Variants in SORCS2 observed in about 807,000 individuals in gnomAD.
The protein encoded by SORCS2 is VPS10 domain-containing receptor SorCS2.
Under a neutral mutation model 141.6 loss-of-function variants are expected in SORCS2, and 100 were observed. That is an observed-to-expected ratio of 0.71 (90% CI 0.60 to 0.83). The LOEUF is 0.83. SORCS2 is among the 40% of genes least tolerant of loss of function. SORCS2 has a pLI of 0.00. For synonymous variants in SORCS2, 789 were observed against 676.9 expected, an observed-to-expected ratio of 1.17 and a Z score of -2.57; for missense variants, 1,646 against 1,560.2, an observed-to-expected ratio of 1.05 and a Z score of -0.93.
At position 7,723,853 on chromosome 4, in the gene SORCS2, G is replaced by A. The variant is rs377586569; in HGVS notation, c.2581G>A (p.Asp861Asn). The change falls in exon 19 of 27, where the codon GAT (aspartate) becomes AAT (asparagine). Residue 861 changes from aspartate to asparagine, a missense_variant. Coordinates refer to ENST00000507866, the MANE Select transcript of SORCS2 (RefSeq NM_020777.3). ...CAGGGCAGAGAACACGGCAGGCCAC[G>A]ATGAGGCGGTGCTCTTTGTCCAGGT... is the stretch of plus-strand genomic sequence containing the variant. ...SVRAENTAGH[D>N]EAVLFVQVNS... The A allele has an allele frequency of 7.9e-5, 127 of 1,610,814 alleles. No individual in the cohort carries two copies. Among genetic ancestry groups the A allele is most frequent in the Non-Finnish European group, 9.4e-5 (111 of 1,179,734 alleles).
At chr4:7,261,350 G>A (rs537795550) in intron 1 of SORCS2, among the ~76,000 whole-genome samples, 197 of 152,292 alleles carry the variant, frequency 1.3e-3, no homozygotes, top group African/African-American at 4.4e-3. Flanking sequence ...CCATAAATGT[G>A]TCATATTTAG....
At chr4:7,598,582 T>C (rs961611018) in intron 3 of SORCS2, among the ~76,000 whole-genome samples, 2 of 152,114 alleles carry the variant, frequency 1.3e-5, no homozygotes, top group Admixed American at 6.5e-5. Flanking sequence ...GCATGGCGGC[T>C]GTGTGGGGGG....
At chr4:7,686,767 C>T (rs1205660662) in intron 10 of SORCS2, among the ~76,000 whole-genome samples, 2 of 152,230 alleles carry the variant, frequency 1.3e-5, no homozygotes, top group East Asian at 1.9e-4. Context: ...CCCAGGCTTG[C>T]GTGGGAGTGC....
chr4:7,464,122 T>C (rs1357681041), intron 2 of SORCS2, among the ~76,000 whole-genome samples: 1 of 152,164 alleles, frequency 6.6e-6, no homozygotes, highest in Admixed American at 6.5e-5. Context: ...TGAACACACC[T>C]GGTCAGCCTG....
At chr4:7,578,073 C>T (rs937357745) in intron 3 of SORCS2, among the ~76,000 whole-genome samples, 1 of 152,200 alleles carries the variant, frequency 6.6e-6, no homozygotes, top group South Asian at 2.1e-4. Context: ...ATGTTAGGCT[C>T]ATGAGGATGG....
intron 23 of SORCS2, among the ~76,000 whole-genome samples, chr4:7,730,594 C>T (rs1044844883): frequency 4.9e-4 from 75 of 152,176 alleles, no homozygotes; most frequent in African/African-American, 1.8e-3. Context: ...ACAGCATGGA[C>T]GAACCTTGAA....
At chr4:7,355,456 T>A (rs1721189552) in intron 1 of SORCS2, among the ~76,000 whole-genome samples, 1 of 152,188 alleles carries the variant, frequency 6.6e-6, no homozygotes, top group Non-Finnish European at 1.5e-5. Context: ...ATTTATTTTT[T>A]TTGTTAACGC....
At chr4:7,261,897 G>T (rs926105757) in intron 1 of SORCS2, among the ~76,000 whole-genome samples, 2 of 152,232 alleles carry the variant, frequency 1.3e-5, no homozygotes, top group Admixed American at 6.5e-5. Flanking sequence ...TCCTTTCCAT[G>T]TGATTTGTGT....
chr4:7,369,771 G>A (rs1193901573), intron 1 of SORCS2, among the ~76,000 whole-genome samples: 1 of 152,134 alleles, frequency 6.6e-6, no homozygotes, highest in Non-Finnish European at 1.5e-5. Context: ...ATCCACCCGT[G>A]GATTTCGTCA....
chr4:7,356,208 G>A (rs2109015142), intron 1 of SORCS2, among the ~76,000 whole-genome samples: 1 of 152,212 alleles, frequency 6.6e-6, no homozygotes, highest in East Asian at 1.9e-4. Flanking sequence ...AGCTGTATTT[G>A]TCCCTGTGGC....
At chr4:7,426,848 G>A (rs1019575527) in intron 2 of SORCS2, among the ~76,000 whole-genome samples, 6 of 152,164 alleles carry the variant, frequency 3.9e-5, no homozygotes, top group Non-Finnish European at 8.8e-5. Flanking sequence ...CTGCATTAAC[G>A]TCTGGCCTCC....
intron 2 of SORCS2, among the ~76,000 whole-genome samples, chr4:7,479,632 C>T (rs541087813): frequency 2.6e-5 from 4 of 152,370 alleles, no homozygotes; most frequent in South Asian, 2.1e-4. Context: ...GGGCTCCCCT[C>T]GTTCCTTGTT....
In SORCS2 at chr4:7,728,189, C is replaced by T. The variant is rs553761641; in HGVS notation, c.2870-161C>T. ...CCAAACACTAAATCAGGACTGCTGT[C>T]GGCCTGCTTGAGAAGACGATGGGGC... On this transcript the variant is annotated intron_variant, in intron 21 of 26. Coordinates refer to ENST00000507866, the MANE Select transcript of SORCS2 (RefSeq NM_020777.3). 6.6e-5 allele frequency among the ~76,000 whole-genome samples: 10 copies of T among 152,274 alleles called. No individual in the cohort carries two copies. In the South Asian group the frequency reaches 1.7e-3, roughly 25 times the overall value.
At chr4:7,661,444 G>T (rs1047909654) in intron 5 of SORCS2, 56 bp from the exon 6 acceptor site, 1 of 1,535,092 alleles carries the variant, frequency 6.5e-7, no homozygotes, top group Non-Finnish European at 8.8e-7. Context: ...GGGAGCAGCT[G>T]GGGGACGGGC....
At chr4:7,575,875 C>T (rs983379034) in intron 3 of SORCS2, among the ~76,000 whole-genome samples, 1 of 152,036 alleles carries the variant, frequency 6.6e-6, no homozygotes, top group African/African-American at 2.4e-5. Flanking sequence ...TTGTAGTGGG[C>T]GAAGGAAGGT....
At chr4:7,614,515 A>G (rs892417009) in intron 3 of SORCS2, among the ~76,000 whole-genome samples, 8 of 149,426 alleles carry the variant, frequency 5.4e-5, no homozygotes, top group African/African-American at 1.7e-4. Context: ...CCACCCATCT[A>G]TTCATCCACT....
At chr4:7,426,662 A>G (rs1726464627) in intron 2 of SORCS2, among the ~76,000 whole-genome samples, 2 of 152,070 alleles carry the variant, frequency 1.3e-5, no homozygotes, top group African/African-American at 4.8e-5. Flanking sequence ...GGTGTGCTCG[A>G]TGCGGTCACC....
chr4:7,528,713 C>T (rs981394309), intron 2 of SORCS2, among the ~76,000 whole-genome samples: 1 of 152,174 alleles, frequency 6.6e-6, no homozygotes, highest in African/African-American at 2.4e-5. Flanking sequence ...CCGTGCCTGG[C>T]CTGGACTGTG....
At chr4:7,554,149 C>T (rs1159236820) in intron 3 of SORCS2, among the ~76,000 whole-genome samples, 1 of 152,098 alleles carries the variant, frequency 6.6e-6, no homozygotes, top group Non-Finnish European at 1.5e-5. Context: ...GCCTTGATCT[C>T]CTAAGGGGGC....
Sources: allele counts gnomAD v4.1 joint callset (sites outside exome capture counted in the v4.1 genomes callset), GRCh38; gene constraint gnomAD v4.1.1; transcripts MANE v1.5; gene names NCBI Gene and HGNC (gene_info 2026-07-23, HGNC 2026-07-21).